COPG2: variants seen among roughly 807,000 people sequenced by gnomAD.
COPG2 encodes coat protein complex I subunit gamma 2.
COPG2 carries 37 observed loss-of-function variants against 46.3 expected under a neutral mutation model. The ratio of observed to expected loss-of-function variants is 0.80; its 90% CI spans 0.61 to 1.05. The LOEUF is 1.05. COPG2 is among the 50% of genes least tolerant of loss of function. The pLI, the probability that COPG2 is intolerant of heterozygous loss-of-function variation, is 0.00. For missense variants in COPG2, 427 were observed against 387.8 expected (o/e 1.10, Z -0.85); for synonymous variants, 159 against 129.7 (o/e 1.23, Z -1.53).
intron 20 of COPG2, among the ~76,000 whole-genome samples, chr7:130,532,449 G>A (rs993377958): frequency 3.0e-4 from 45 of 152,258 alleles, no homozygotes; most frequent in African/African-American, 9.1e-4. Flanking sequence ...GCGCTAAGGA[G>A]GGAGGAGGCA....
intron 20 of COPG2, among the ~76,000 whole-genome samples, chr7:130,525,662 A>G (rs1329683643): frequency 6.6e-6 from 1 of 152,222 alleles, no homozygotes; most frequent in East Asian, 1.9e-4. Flanking sequence ...GAAAGTATGT[A>G]CATAGAGATG....
chr7:130,598,133 A>G (rs943462921), intron 9 of COPG2, among the ~76,000 whole-genome samples: 3 of 152,096 alleles, frequency 2.0e-5, no homozygotes, highest in South Asian at 2.1e-4. Flanking sequence ...TTCATGGTAT[A>G]AGATCTCAAG....
intron 9 of COPG2, among the ~76,000 whole-genome samples, chr7:130,601,508 T>C (rs1262905981): frequency 6.6e-6 from 1 of 152,194 alleles, no homozygotes; most frequent in Non-Finnish European, 1.5e-5. Flanking sequence ...TTCATGTCCT[T>C]TGCAGGGACA....
At chr7:130,507,640 T>TTAG (rs782458910) in intron 22 of COPG2, 45 bp downstream of exon 22, 1 of 767,326 alleles carries the variant, frequency 1.3e-6, no homozygotes, top group Non-Finnish European at 2.4e-6. Flanking sequence ...CTGTTAGGTG[T>TTAG]TATACTGTTA....
Position 130,508,975 on chromosome 7 carries a change from G to A in COPG2, c.2150-316C>T, listed in dbSNP as rs369863805. 1.9e-4 allele frequency: 93 copies of A among 481,302 alleles called. 1 individual carries two copies. The highest frequency in any genetic ancestry group is 1.0e-3 in the African/African-American group (52 of 49,798). 29.8% of individuals were successfully genotyped at this position (481,302 alleles called of 1,614,324 possible). A position where few individuals can be genotyped will look rare whatever the true frequency, so the allele number is the denominator to read the frequency against. ...GGCTTTTTGCCATGCCTATCAAAGG[G>A]GCCTAAATGTTGAAAAATAAATATT... On this transcript the variant is annotated intron_variant, in intron 20 of 23. Transcript: ENST00000425248.
At chr7:130,539,675 A>G (rs1316332482) in intron 20 of COPG2, among the ~76,000 whole-genome samples, 3 of 152,304 alleles carry the variant, frequency 2.0e-5, no homozygotes, top group Admixed American at 2.0e-4. Flanking sequence ...TCAAGAAAGA[A>G]TGTGGAAGTG....
rs191356258 is a variant in COPG2, at chr7:130,657,105, A to G, written c.244-4157T>C. The stretch of plus-strand genomic sequence containing the variant: ...AAAGATTTGCACTATAAAACTTACT[A>G]TAGATTTTAAACCTATAGTTAATCA... On this transcript the variant is annotated intron_variant, in intron 4 of 23. Transcript: ENST00000425248. Among the ~76,000 whole-genome samples the G allele has an allele frequency of 1.2e-4, 18 of 152,130 alleles. 1 individual carries two copies. The highest frequency in any genetic ancestry group is 4.1e-4 in the African/African-American group (17 of 41,562).
At chr7:130,668,009 A>C (rs1156338438) in intron 1 of COPG2, among the ~76,000 whole-genome samples, 4 of 152,098 alleles carry the variant, frequency 2.6e-5, no homozygotes, top group Non-Finnish European at 5.9e-5. Context: ...GATGCTACCA[A>C]ACACTGAGAA....
rs1584588912 is a variant in COPG2 at position 130,625,789 on chromosome 7, T to A, written c.324-8724A>T. Among the ~76,000 whole-genome samples the A allele has an allele frequency of 2.0e-5, 3 of 152,132 alleles. No homozygotes were observed. In the South Asian group the frequency reaches 6.2e-4, roughly 31 times the overall value. Reference sequence around the variant, plus strand: ...CTATTTTTTCCTCATTAATTTCTGTTTTTATCTATACTAATTCCTATCATA... The same window carrying A: ...CTATTTTTTCCTCATTAATTTCTGTATTTATCTATACTAATTCCTATCATA... On this transcript the variant is annotated intron_variant, in intron 5 of 23. Transcript: ENST00000425248.
At chr7:130,636,155 G>C (rs782103525) in intron 5 of COPG2, among the ~76,000 whole-genome samples, 1 of 152,152 alleles carries the variant, frequency 6.6e-6, no homozygotes, top group African/African-American at 2.4e-5. Flanking sequence ...TGTCCAATGT[G>C]GTGTGGAGAA....
Position 130,506,804 on chromosome 7 carries a change from T to C in COPG2, c.2488A>G (p.Ile830Val), listed in dbSNP as rs571027833. The change falls in exon 24 of 24, where the codon ATA becomes GTA. Residue 830 changes from isoleucine (I) to valine (V), a missense_variant and splice_region_variant. Ile to Val is a conservative substitution (Grantham distance 29). Coordinates refer to ENST00000425248, the MANE Select transcript of COPG2 (RefSeq NM_012133.6). The stretch of plus-strand genomic sequence containing the variant: ...AATAAATCATAGCCACCTCTGAATA[T>C]ACCTGAGAGAAAAAAGTAAGGAAAA... ...KNSHSLYLAG[I>V]FRGGYDLLVR... The C allele has an allele frequency of 5.2e-5, 40 of 770,040 alleles. No individual in the cohort carries two copies. Among genetic ancestry groups the C allele is most frequent in the South Asian group, 3.6e-4 (26 of 72,274 alleles). 47.7% of individuals were successfully genotyped at this position (770,040 alleles called of 1,614,324 possible).
At chr7:130,583,603 G>T (rs1466032824) in intron 9 of COPG2, among the ~76,000 whole-genome samples, 1 of 147,074 alleles carries the variant, frequency 6.8e-6, no homozygotes, top group East Asian at 2.1e-4. Context: ...TCAGGAGATT[G>T]AGACCAACCT....
At chr7:130,529,927 C>T (rs1387980956) in intron 20 of COPG2, among the ~76,000 whole-genome samples, 5 of 151,796 alleles carry the variant, frequency 3.3e-5, no homozygotes, top group Non-Finnish European at 3.0e-5. Flanking sequence ...GCAAAATATA[C>T]GCAGAGGTTC....
At position 130,554,503 on chromosome 7, in the gene COPG2, C is replaced by T; in HGVS notation, c.1446G>A (p.Leu482=). The T allele has an allele frequency of 2.5e-6, 1 of 398,616 alleles. No individual in the cohort carries two copies. Among genetic ancestry groups the T allele is most frequent in the Non-Finnish European group, 4.4e-6 (1 of 226,066 alleles). 24.7% of individuals were successfully genotyped at this position (398,616 alleles called of 1,614,324 possible). The change falls in exon 14 of 24, where the codon CTG becomes CTA. Residue 482 remains leucine (L), a synonymous_variant. Transcript: ENST00000425248. ...CACCAGCTCTGACAGCCTCATTCTC[C>T]AGGACAACCCTATTAAAAATAAAAC... is the stretch of plus-strand genomic sequence containing the variant. The part of the protein sequence containing the change: ...YIRFIFNRVV[L]ENEAVRAAAV...
Position 130,652,886 on chromosome 7 carries a change from C to G in COPG2, c.306G>C (p.Val102=). The change falls in exon 5 of 24, where the codon GTG becomes GTC. Residue 102 remains valine (V), a synonymous_variant. Coordinates refer to ENST00000425248, the MANE Select transcript of COPG2 (RefSeq NM_012133.6). ...TTACATACCTGCTTGTGACAATTAT[C>G]ACATCCTCAGAGATGGTAGCCATTT... ...IKEMATISED[V]IIVTSSLTKD... 6.2e-7 allele frequency: 1 copy of G among 1,603,898 alleles called. No individual in the cohort carries two copies.
chr7:130,610,989 C>A lies in COPG2; in HGVS notation c.701G>T (p.Arg234Leu). The A allele has an allele frequency of 6.2e-7, 1 of 1,613,856 alleles. No individual in the cohort carries two copies. Among genetic ancestry groups the A allele is most frequent in the Non-Finnish European group, 8.5e-7 (1 of 1,179,844 alleles). The change falls in exon 9 of 24, where the codon CGA (arginine) becomes CTA (leucine). Residue 234 changes from arginine (R) to leucine (L), a missense_variant. Transcript: ENST00000425248. ...TTCTTTTAGTAAGCGACTGGCAATTCGGATCAGCATGCAGTAAGCAAACTG... is the reference window on the plus strand; with the variant it reads ...TTCTTTTAGTAAGCGACTGGCAATTAGGATCAGCATGCAGTAAGCAAACTG... ...KSQFAYCMLI[R>L]IASRLLKETE... is the part of the protein sequence containing the mutation.
chr7:130,645,290 C>T, intron 5 of COPG2: 1 of 620,212 alleles, frequency 1.6e-6, no homozygotes, highest in Non-Finnish European at 3.2e-6. Context: ...ACAAAATACT[C>T]CTTCACGACG....
intron 20 of COPG2, among the ~76,000 whole-genome samples, chr7:130,525,686 A>G (rs1425686989): frequency 5.3e-5 from 8 of 152,214 alleles, no homozygotes; most frequent in African/African-American, 1.7e-4. Context: ...TAAAGTAGGC[A>G]AGGGAGAGTC....
intron 12 of COPG2, among the ~76,000 whole-genome samples, chr7:130,557,441 C>T (rs1278413374): frequency 2.6e-5 from 4 of 152,106 alleles, no homozygotes; most frequent in Non-Finnish European, 5.9e-5. Flanking sequence ...ATGAATTTAA[C>T]GTGATCCCAA....
Sources: gnomAD v4.1 joint callset for allele counts (sites outside exome capture counted in the v4.1 genomes callset) on GRCh38, gnomAD v4.1.1 for gene constraint, MANE v1.5 for transcripts, NCBI Gene and HGNC (gene_info 2026-07-23, HGNC 2026-07-21) for gene names.